The following RRAGD variants were observed in gnomAD, a reference collection of about 807,000 sequenced individuals.
The protein encoded by RRAGD is Ras related GTP binding D.
RRAGD carries 12 observed loss-of-function variants against 35.5 expected under a neutral mutation model. The observed-to-expected ratio is 0.34, with a 90% CI of 0.22 to 0.55. RRAGD has a LOEUF of 0.55. Ranked by LOEUF, RRAGD falls within the 20% of genes least tolerant of loss-of-function variation. RRAGD has a pLI of 0.91. For missense variants in RRAGD, 324 were observed against 490.1 expected (o/e 0.66, Z 3.20); for synonymous variants, 155 against 178.9 (o/e 0.87, Z 1.07).
At chr6:89,382,073 T>G (rs956345707) in intron 2 of RRAGD, among the ~76,000 whole-genome samples, 5 of 151,542 alleles carry the variant, frequency 3.3e-5, no homozygotes, top group Admixed American at 3.3e-4. Flanking sequence ...CTTCCCCCTC[T>G]GCCCCGCCAC....
At chr6:89,385,637 C>T (rs907389865) in intron 2 of RRAGD, among the ~76,000 whole-genome samples, 5 of 152,134 alleles carry the variant, frequency 3.3e-5, no homozygotes, top group South Asian at 2.1e-4. Context: ...AGGCCCTGGA[C>T]GTGGTGCAGG....
intron 1 of RRAGD, among the ~76,000 whole-genome samples, chr6:89,389,411 C>A (rs1327258230): frequency 2.6e-5 from 4 of 151,924 alleles, no homozygotes; most frequent in African/African-American, 9.7e-5. Flanking sequence ...AAAAAATTAG[C>A]CAGGCGTGGT....
At chr6:89,378,881 C>A (rs1324008441) in intron 4 of RRAGD, among the ~76,000 whole-genome samples, 1 of 152,244 alleles carries the variant, frequency 6.6e-6, no homozygotes, top group East Asian at 1.9e-4. Flanking sequence ...TCCACCACAG[C>A]CTCCCAAGTA....
intron 1 of RRAGD, among the ~76,000 whole-genome samples, chr6:89,389,326 C>T (rs770601009): frequency 3.7e-4 from 56 of 152,092 alleles, no homozygotes; most frequent in Admixed American, 1.8e-3. Context: ...GAGGCCGAGA[C>T]GGGCGGATCA....
intron 2 of RRAGD, among the ~76,000 whole-genome samples, chr6:89,384,430 A>T (rs1769103328): frequency 6.6e-6 from 1 of 152,164 alleles, no homozygotes; most frequent in African/African-American, 2.4e-5. Flanking sequence ...TGCAGCCTCA[A>T]ACTCCTGGGC....
intron 1 of RRAGD, among the ~76,000 whole-genome samples, chr6:89,399,561 C>T (rs1452453462): frequency 1.8e-4 from 27 of 152,144 alleles, no homozygotes. Flanking sequence ...TGCTTGAGCC[C>T]AGGAGTTCAA....
intron 1 of RRAGD, among the ~76,000 whole-genome samples, chr6:89,399,598 CCT>C (rs1769412216): frequency 6.6e-6 from 1 of 151,960 alleles, no homozygotes; most frequent in Non-Finnish European, 1.5e-5. Context: ...ATGGCAAAAC[CCT>C]CTCTCTACTA....
In RRAGD at chr6:89,366,890, G is replaced by A. The variant is rs1329734362; in HGVS notation, c.*1166C>T. On this transcript the variant is annotated 3_prime_UTR_variant, in exon 7 of 7. Transcript: ENST00000369415. ...CTCTTCAGCCTTGCAGAGCATGCTG[G>A]TGGCAGGCTGAGCTTGGCTTAATCA... is the stretch of plus-strand genomic sequence containing the variant. 6.6e-6 allele frequency: 1 copy of A among 152,176 alleles called. No homozygotes were observed. The highest frequency in any genetic ancestry group is 1.5e-5 in the Non-Finnish European group (1 of 68,032). 9.4% of individuals were successfully genotyped at this position (152,176 alleles called of 1,614,324 possible).
chr6:89,394,159 T>A (rs937155230), intron 1 of RRAGD, among the ~76,000 whole-genome samples: 12 of 151,186 alleles, frequency 7.9e-5, no homozygotes, highest in African/African-American at 2.9e-4. Flanking sequence ...TTTCCTAAAT[T>A]AACAAAAGAT....
intron 5 of RRAGD, among the ~76,000 whole-genome samples, chr6:89,374,096 C>T (rs1029904364): frequency 6.6e-6 from 1 of 152,174 alleles, no homozygotes; most frequent in Non-Finnish European, 1.5e-5. Context: ...ACCACATTCA[C>T]TGAGAACTAG....
chr6:89,375,828 T>G (rs1768929393), intron 5 of RRAGD, among the ~76,000 whole-genome samples: 1 of 152,236 alleles, frequency 6.6e-6, no homozygotes, highest in Non-Finnish European at 1.5e-5. Context: ...AAAACCAATC[T>G]GACGGCAAAG....
Position 89,412,198 on chromosome 6 carries a change from C to G in RRAGD, c.-205G>C, listed in dbSNP as rs904110403. 1.6e-4 allele frequency: 53 copies of G among 325,294 alleles called. No homozygotes were observed. Among genetic ancestry groups the G allele is most frequent in the African/African-American group, 1.1e-3 (49 of 45,858 alleles). The allele number at this position is 325,294 out of a possible 1,614,324, so 20.2% of individuals were successfully genotyped here. On this transcript the variant is annotated 5_prime_UTR_variant, in exon 1 of 7. Coordinates refer to ENST00000369415, the MANE Select transcript of RRAGD (RefSeq NM_021244.5). This position sits in a 1 kb window ranked among gnomAD's most constrained non-coding sequence, Gnocchi z 4.2. Reference sequence around the variant, plus strand: ...TTCCCAGCGCGCCCGAAGCCCCCTCCCCCGCCCCGCCCGCCGGCGGAGGAG... The same window carrying G: ...TTCCCAGCGCGCCCGAAGCCCCCTCGCCCGCCCCGCCCGCCGGCGGAGGAG...
chr6:89,374,794 C>T (rs1768909886), intron 5 of RRAGD, among the ~76,000 whole-genome samples: 1 of 151,608 alleles, frequency 6.6e-6, no homozygotes, highest in Non-Finnish European at 1.5e-5. Flanking sequence ...ATTCAACTCA[C>T]TATAACCTAC....
Position 89,379,204 on chromosome 6 carries a change from C to G in RRAGD, c.759+20G>C. On this transcript the variant is annotated intron_variant, in intron 4 of 6. Coordinates refer to ENST00000369415, the MANE Select transcript of RRAGD (RefSeq NM_021244.5). Reference sequence around the variant, plus strand: ...TTTCAAATTCTACAAGTGACTCAAACAGGAATATTATTTACTTACTGAGAT... The same window carrying G: ...TTTCAAATTCTACAAGTGACTCAAAGAGGAATATTATTTACTTACTGAGAT... The G allele has an allele frequency of 7.9e-7, 1 of 1,260,094 alleles. No individual in the cohort carries two copies. Among genetic ancestry groups the G allele is most frequent in the East Asian group, 2.4e-5 (1 of 42,382 alleles). The allele number at this position is 1,260,094 out of a possible 1,614,324, so 78.1% of individuals were successfully genotyped here. A position where few individuals can be genotyped will look rare whatever the true frequency, so the allele number is the denominator to read the frequency against.
intron 1 of RRAGD, among the ~76,000 whole-genome samples, chr6:89,405,588 C>T (rs1317818687): frequency 6.6e-6 from 1 of 151,958 alleles, no homozygotes; most frequent in African/African-American, 2.4e-5. Context: ...GCACAGGACA[C>T]ACGCAGGCAC....
At chr6:89,408,381 C>A (rs542811903) in intron 1 of RRAGD, among the ~76,000 whole-genome samples, 1 of 152,244 alleles carries the variant, frequency 6.6e-6, no homozygotes, top group African/African-American at 2.4e-5. Flanking sequence ...AAGCCATGCA[C>A]AGTCATGCAT....
rs772103861 is a variant in RRAGD, at chr6:89,411,868, C to T, written c.126G>A (p.Pro42=). Residue 42 remains proline, a synonymous_variant, in exon 1 of 7, where the codon CCG becomes CCA. Transcript: ENST00000369415. The surrounding 1 kb of genome is among the most constrained non-coding windows in gnomAD (Gnocchi z 5.6). ...GDGPDSSDAD[P]DSGTEEGVLD... ...CACCTCCCTCCTCTGTGCCGCTGTC[C>T]GGATCGGCGTCGGAGGAGTCGGGCC... The T allele has an allele frequency of 1.9e-6, 3 of 1,550,420 alleles. No homozygotes were observed. The highest frequency in any genetic ancestry group is 1.7e-6 in the Non-Finnish European group (2 of 1,150,424).
chr6:89,390,795 G>A (rs904969784), intron 1 of RRAGD, among the ~76,000 whole-genome samples: 1 of 152,114 alleles, frequency 6.6e-6, no homozygotes, highest in Admixed American at 6.5e-5. Context: ...CTACTTGGGA[G>A]GCTGAGGCAA....
At chr6:89,373,064 C>G (rs1196549679) in intron 5 of RRAGD, among the ~76,000 whole-genome samples, 1 of 152,198 alleles carries the variant, frequency 6.6e-6, no homozygotes, top group Non-Finnish European at 1.5e-5. Context: ...CTGGTAAAAT[C>G]TGAATATCGT....
Sources: allele counts gnomAD v4.1 joint callset (sites outside exome capture counted in the v4.1 genomes callset), GRCh38; gene constraint gnomAD v4.1.1; non-coding constraint Gnocchi (gnomAD v3.1); transcripts MANE v1.5; gene names NCBI Gene and HGNC (gene_info 2026-07-23, HGNC 2026-07-21).